The following RORA variants were observed in gnomAD, a reference collection of about 807,000 sequenced individuals.
The protein encoded by RORA is RAR related orphan receptor A, also known as nuclear receptor ROR-alpha.
RORA carries 7 observed loss-of-function variants against 69.5 expected under a neutral mutation model. That is an observed-to-expected ratio of 0.10 (90% CI 0.06 to 0.19). RORA has a LOEUF of 0.19. Ranked by LOEUF, RORA falls within the 10% of genes least tolerant of loss-of-function variation. The pLI, the probability that RORA is intolerant of heterozygous loss-of-function variation, is 1.00. For synonymous variants in RORA, 261 were observed against 240.8 expected (o/e 1.08, Z -0.78); for missense variants, 457 against 663.0 (o/e 0.69, Z 3.41).
chr15:60,737,125 G>T (rs2071512004), intron 1 of RORA, among the ~76,000 whole-genome samples: 1 of 152,142 alleles, frequency 6.6e-6, no homozygotes, highest in Non-Finnish European at 1.5e-5. Flanking sequence ...CATCACTAGA[G>T]GGGATGCCAG....
intron 1 of RORA, among the ~76,000 whole-genome samples, chr15:61,043,609 T>C (rs1024862633): frequency 3.9e-5 from 6 of 152,192 alleles, no homozygotes; most frequent in African/African-American, 1.4e-4. Context: ...AGAAATGCAC[T>C]GTGGCCTGGG....
At chr15:60,863,323 A>G (rs1264844112) in intron 1 of RORA, among the ~76,000 whole-genome samples, 2 of 152,228 alleles carry the variant, frequency 1.3e-5, no homozygotes, top group Non-Finnish European at 2.9e-5. Flanking sequence ...GTACACCAGT[A>G]CCCAAACTGG....
chr15:60,933,091 T>C (rs1892421072), intron 1 of RORA, among the ~76,000 whole-genome samples: 2 of 152,178 alleles, frequency 1.3e-5, no homozygotes, highest in African/African-American at 2.4e-5. Flanking sequence ...GCTGTGACCC[T>C]GAGCAAGTCT....
At chr15:60,809,627 C>T (rs2072712901) in intron 1 of RORA, among the ~76,000 whole-genome samples, 1 of 152,024 alleles carries the variant, frequency 6.6e-6, no homozygotes, top group South Asian at 2.1e-4. Context: ...ACCCCCACCA[C>T]ACACATGCAC....
chr15:60,498,546 C>T (rs1352720564), intron 10 of RORA, among the ~76,000 whole-genome samples: 1 of 152,192 alleles, frequency 6.6e-6, no homozygotes, highest in Non-Finnish European at 1.5e-5. Context: ...GGTAATGACA[C>T]AATTTGCAAA....
In RORA at chr15:60,954,758, C is replaced by T. The variant is rs1893218028; in HGVS notation, c.166+274295G>A. Among the ~76,000 whole-genome samples the T allele has an allele frequency of 2.0e-5, 3 of 152,244 alleles. No homozygotes were observed. The South Asian group carries it at 6.2e-4, about 32-fold the overall frequency. On this transcript the variant is annotated intron_variant, in intron 1 of 10. Coordinates refer to ENST00000335670, the MANE Select transcript of RORA (RefSeq NM_134261.3). ...GTTTTTGCCATTAAAATTAATGATTCCCTAGACTCCAAGACCAGTTATTTT... is the reference window on the plus strand; with the variant it reads ...GTTTTTGCCATTAAAATTAATGATTTCCTAGACTCCAAGACCAGTTATTTT...
At chr15:61,106,701 ATCTC>A (rs2078952493) in intron 1 of RORA, among the ~76,000 whole-genome samples, 1 of 152,198 alleles carries the variant, frequency 6.6e-6, no homozygotes. Context: ...AAATACAGTC[ATCTC>A]TACTTGCATA....
At chr15:61,115,813 C>A (rs1450786356) in intron 1 of RORA, among the ~76,000 whole-genome samples, 1 of 152,062 alleles carries the variant, frequency 6.6e-6, no homozygotes, top group Non-Finnish European at 1.5e-5. Context: ...CCCAAAGGGC[C>A]CAAAAGCCAT....
At chr15:61,148,343 C>T (rs1340435518) in intron 1 of RORA, among the ~76,000 whole-genome samples, 5 of 152,152 alleles carry the variant, frequency 3.3e-5, no homozygotes, top group Non-Finnish European at 5.9e-5. Flanking sequence ...GCCTAAGGTA[C>T]ATCCAAATGA....
At chr15:60,978,976 T>TTTTTTTTTTTC (rs1893953404) in intron 1 of RORA, among the ~76,000 whole-genome samples, 1 of 145,312 alleles carries the variant, frequency 6.9e-6, no homozygotes, top group African/African-American at 2.6e-5. Flanking sequence ...TTTTTTTTTT[T>TTTTTTTTTTTC]TTTGAGACGG....
chr15:60,597,578 AT>A lies in RORA; in HGVS notation c.197-65728del, dbSNP rs1567115362. Among the ~76,000 whole-genome samples, 62 of 11,682 alleles carry A rather than the reference AT, an allele frequency of 5.3e-3. 1 individual carries two copies. Among genetic ancestry groups the A allele is most frequent in the African/African-American group, 6.6e-3 (24 of 3,662 alleles). 7.7% of individuals were successfully genotyped at this position (11,682 alleles called of 152,430 possible). On this transcript the variant is annotated intron_variant, in intron 2 of 10. Transcript: ENST00000335670. Reference sequence around the variant, plus strand: ...TATATATATATATATATATATACACATATATATATATATATACACATATATA... The same window carrying A: ...TATATATATATATATATATATACACAATATATATATATATACACATATATA...
chr15:61,162,801 T>C (rs1026510119), intron 1 of RORA, among the ~76,000 whole-genome samples: 1 of 152,200 alleles, frequency 6.6e-6, no homozygotes, highest in African/African-American at 2.4e-5. Flanking sequence ...GCCAGCTCAA[T>C]AAATGGGCTG....
At chr15:61,032,671 C>T (rs925819000) in intron 1 of RORA, among the ~76,000 whole-genome samples, 1 of 152,114 alleles carries the variant, frequency 6.6e-6, no homozygotes, top group African/African-American at 2.4e-5. Flanking sequence ...CTAACAAATG[C>T]TTAAGAGTTT....
At chr15:60,835,043 A>C (rs2073098127) in intron 1 of RORA, among the ~76,000 whole-genome samples, 1 of 152,218 alleles carries the variant, frequency 6.6e-6, no homozygotes, top group African/African-American at 2.4e-5. Context: ...TCTTAAACAC[A>C]GAACGTGGAC....
At chr15:60,565,614 G>A (rs1201710497) in intron 2 of RORA, among the ~76,000 whole-genome samples, 2 of 152,144 alleles carry the variant, frequency 1.3e-5, no homozygotes, top group Non-Finnish European at 2.9e-5. Flanking sequence ...AATGGAATAG[G>A]CAGCAGGCAA....
At chr15:60,837,906 A>T (rs1381395565) in intron 1 of RORA, among the ~76,000 whole-genome samples, 1 of 152,210 alleles carries the variant, frequency 6.6e-6, no homozygotes, top group Non-Finnish European at 1.5e-5. Flanking sequence ...GAAGGACAAG[A>T]GCTGCCTCCT....
At chr15:61,146,176 T>C (rs937957280) in intron 1 of RORA, among the ~76,000 whole-genome samples, 68 of 152,186 alleles carry the variant, frequency 4.5e-4, no homozygotes, top group Non-Finnish European at 7.9e-4. Flanking sequence ...CGAGGATTTT[T>C]CCCCTAGATA....
intron 3 of RORA, among the ~76,000 whole-genome samples, chr15:60,526,426 C>T (rs748405287): frequency 6.6e-6 from 1 of 152,176 alleles, no homozygotes; most frequent in Non-Finnish European, 1.5e-5. Flanking sequence ...TCGAGCCAGG[C>T]GTTTTCTGTG....
At chr15:61,008,246 G>A (rs551087957) in intron 1 of RORA, among the ~76,000 whole-genome samples, 142 of 144,610 alleles carry the variant, frequency 9.8e-4, no homozygotes, top group African/African-American at 3.6e-3. Context: ...TGTGTGTGTA[G>A]TAAATGAACG....
Sources: gnomAD v4.1 joint callset for allele counts (sites outside exome capture counted in the v4.1 genomes callset) on GRCh38, gnomAD v4.1.1 for gene constraint, MANE v1.5 for transcripts, NCBI Gene and HGNC (gene_info 2026-07-23, HGNC 2026-07-21) for gene names.